NOL10: variants seen among roughly 807,000 people sequenced by gnomAD.
The protein encoded by NOL10 is H_NH0074G24.1.
Under a neutral mutation model 103.5 loss-of-function variants are expected in NOL10, and 58 were observed. The ratio of observed to expected loss-of-function variants is 0.56; its 90% CI spans 0.45 to 0.70. The LOEUF is 0.70. Ranked by LOEUF, NOL10 falls within the 30% of genes least tolerant of loss-of-function variation. The probability of loss-of-function intolerance (pLI) is 0.00; values close to 1 mark genes in which losing one functional copy is unlikely to be tolerated. For synonymous variants in NOL10, 287 were observed against 282.5 expected (o/e 1.02, Z -0.16); for missense variants, 763 against 807.3 (o/e 0.95, Z 0.67).
At chr2:10,648,341 C>T (rs181081896) in intron 12 of NOL10, among the ~76,000 whole-genome samples, 6 of 152,184 alleles carry the variant, frequency 3.9e-5, no homozygotes, top group East Asian at 3.9e-4. Context: ...AAGAGTTGAA[C>T]GGGAGGAAAA....
At chr2:10,630,903 A>C (rs1677800725) in intron 13 of NOL10, among the ~76,000 whole-genome samples, 1 of 152,204 alleles carries the variant, frequency 6.6e-6, no homozygotes, top group Non-Finnish European at 1.5e-5. Flanking sequence ...TCCCGTTTAC[A>C]TTCTGTCTGG....
intron 13 of NOL10, among the ~76,000 whole-genome samples, chr2:10,608,897 A>G (rs1676398869): frequency 6.6e-6 from 1 of 152,164 alleles, no homozygotes; most frequent in Admixed American, 6.5e-5. Flanking sequence ...GCAATCTACA[A>G]TTTTTAAAAA....
At chr2:10,603,932 T>C (rs1188626243) in intron 14 of NOL10, among the ~76,000 whole-genome samples, 1 of 152,230 alleles carries the variant, frequency 6.6e-6, no homozygotes, top group Non-Finnish European at 1.5e-5. Context: ...TTACGATATA[T>C]GTCAGTGGTC....
At chr2:10,649,916 C>T (rs185233432) in intron 12 of NOL10, among the ~76,000 whole-genome samples, 2 of 152,278 alleles carry the variant, frequency 1.3e-5, no homozygotes, top group African/African-American at 4.8e-5. Context: ...TAAAATATTA[C>T]TCTTCTTAGA....
At chr2:10,582,717 C>T (rs1272041246) in intron 19 of NOL10, among the ~76,000 whole-genome samples, 7 of 152,178 alleles carry the variant, frequency 4.6e-5, no homozygotes, top group Admixed American at 1.3e-4. Context: ...ACCTGGTACT[C>T]GGGCCCACTG....
intron 12 of NOL10, among the ~76,000 whole-genome samples, chr2:10,645,940 CACAT>C (rs374845474): frequency 6.9e-5 from 8 of 116,120 alleles, no homozygotes; most frequent in Admixed American, 5.5e-4. Flanking sequence ...CACACACACA[CACAT>C]ACACACACAC....
chr2:10,689,924 T>C lies in NOL10; in HGVS notation c.-63A>G, dbSNP rs1682518952. The C allele has an allele frequency of 4.1e-6, 6 of 1,472,120 alleles. No individual in the cohort carries two copies. Among genetic ancestry groups the C allele is most frequent in the African/African-American group, 2.8e-5 (2 of 71,584 alleles). The allele number at this position is 1,472,120 out of a possible 1,614,324, so 91.2% of individuals were successfully genotyped here. A position where few individuals can be genotyped will look rare whatever the true frequency, so the allele number is the denominator to read the frequency against. On this transcript the variant is annotated 5_prime_UTR_variant, in exon 1 of 21. Transcript: ENST00000381685. ...CCACCAGCGTGCTCGAGCACCGTAATCCCGGGACCTCCGAGCCCCTGCTCC... is the reference window on the plus strand; with the variant it reads ...CCACCAGCGTGCTCGAGCACCGTAACCCCGGGACCTCCGAGCCCCTGCTCC...
intron 13 of NOL10, among the ~76,000 whole-genome samples, chr2:10,624,916 CAGACA>C (rs1677366720): frequency 6.6e-6 from 1 of 152,118 alleles, no homozygotes; most frequent in South Asian, 2.1e-4. Flanking sequence ...GCAGTACATC[CAGACA>C]AGAGAATGTT....
At chr2:10,636,973 G>T (rs1382650351) in intron 13 of NOL10, among the ~76,000 whole-genome samples, 1 of 151,996 alleles carries the variant, frequency 6.6e-6, no homozygotes, top group African/African-American at 2.4e-5. Flanking sequence ...AGGCCCAGAT[G>T]GGTGGATCAC....
chr2:10,648,516 T>C (rs1364865282), intron 12 of NOL10, among the ~76,000 whole-genome samples: 1 of 152,194 alleles, frequency 6.6e-6, no homozygotes, highest in Non-Finnish European at 1.5e-5. Context: ...TATTAGATAG[T>C]AACAGTCATT....
At chr2:10,583,764 TG>T (rs1473714366) in intron 19 of NOL10, among the ~76,000 whole-genome samples, 1 of 152,228 alleles carries the variant, frequency 6.6e-6, no homozygotes, top group Non-Finnish European at 1.5e-5. Flanking sequence ...CCCTTCTAAC[TG>T]GGATGATTCT....
At chr2:10,660,173 T>C (rs888261491) in intron 9 of NOL10, among the ~76,000 whole-genome samples, 30 of 152,182 alleles carry the variant, frequency 2.0e-4, no homozygotes, top group African/African-American at 7.0e-4. Context: ...CACCTAGAGC[T>C]TGAGCCTGTA....
At chr2:10,652,055 C>T (rs1008178795) in intron 12 of NOL10, among the ~76,000 whole-genome samples, 2 of 152,050 alleles carry the variant, frequency 1.3e-5, no homozygotes, top group East Asian at 3.9e-4. Flanking sequence ...GCCTGACCAA[C>T]ATGGTGAAAC....
At chr2:10,684,494 A>G (rs369393202) in intron 2 of NOL10, 73 bp downstream of exon 2, 18 of 1,174,476 alleles carry the variant, frequency 1.5e-5, no homozygotes, top group Non-Finnish European at 2.1e-5. Context: ...TCACTTATAT[A>G]TAACAGCAAA....
intron 3 of NOL10, among the ~76,000 whole-genome samples, chr2:10,680,973 A>G (rs193156832): frequency 3.9e-5 from 6 of 152,298 alleles, no homozygotes; most frequent in Admixed American, 3.3e-4. Flanking sequence ...AAATCATGTT[A>G]TAAGTGACCT....
intron 13 of NOL10, among the ~76,000 whole-genome samples, chr2:10,625,706 T>C (rs1474837477): frequency 6.6e-6 from 1 of 152,062 alleles, no homozygotes; most frequent in East Asian, 1.9e-4. Flanking sequence ...AAGCCAACTT[T>C]ACCTCCACCC....
At chr2:10,611,129 G>C (rs981559079) in intron 13 of NOL10, among the ~76,000 whole-genome samples, 1 of 152,198 alleles carries the variant, frequency 6.6e-6, no homozygotes, top group Admixed American at 6.5e-5. Flanking sequence ...ATTAATAAAA[G>C]TAGAAAATTG....
rs182802893 is a variant in NOL10, at chr2:10,674,036, C to T, written c.290-479G>A. Among the ~76,000 whole-genome samples the T allele has an allele frequency of 2.7e-5, 4 of 149,192 alleles. No homozygotes were observed. The East Asian group carries it at 7.8e-4, about 29-fold the overall frequency. ...ACAAAGATATAGTAAGACCCTATCA[C>T]TATGGGAAAGAAAAAAAAAAACAGA... On this transcript the variant is annotated intron_variant, in intron 4 of 20. Transcript: ENST00000381685.
chr2:10,639,302 G>A (rs1678540455), intron 13 of NOL10, among the ~76,000 whole-genome samples: 1 of 152,150 alleles, frequency 6.6e-6, no homozygotes, highest in Non-Finnish European at 1.5e-5. Context: ...TGCGCCTATA[G>A]TCCCAGCTGC....
Sources: allele counts gnomAD v4.1 joint callset (sites outside exome capture counted in the v4.1 genomes callset), GRCh38; gene constraint gnomAD v4.1.1; transcripts MANE v1.5; gene names NCBI Gene and HGNC (gene_info 2026-07-23, HGNC 2026-07-21).